Variants in PPP1R13L observed in about 807,000 individuals in gnomAD.
PPP1R13L encodes relA-associated inhibitor.
A neutral mutation model predicts 80.9 loss-of-function variants in PPP1R13L; 50 were observed. The ratio of observed to expected loss-of-function variants is 0.62; its 90% CI spans 0.49 to 0.78. The LOEUF (loss-of-function observed/expected upper bound fraction) is 0.78. Ranked by LOEUF, PPP1R13L falls within the 30% of genes least tolerant of loss-of-function variation. PPP1R13L has a pLI of 0.00. For missense variants in PPP1R13L, 1,200 were observed against 1,205.9 expected (o/e 1.00, Z 0.07); for synonymous variants, 602 against 534.3 (o/e 1.13, Z -1.75).
intron 7 of PPP1R13L, chr19:45,393,011 C>CAAAAAAAAAAAAAAAAAA: frequency 2.2e-5 from 1 of 44,946 alleles, no homozygotes. Context: ...ACTAAAAATA[C>CAAAAAAAAAAAAAAAAAA]AAAAAAAAAA....
chr19:45,403,124 C>A (rs774769335), intron 1 of PPP1R13L, among the ~76,000 whole-genome samples: 2 of 152,154 alleles, frequency 1.3e-5, no homozygotes, highest in African/African-American at 2.4e-5. Context: ...AGAATTAATA[C>A]CTTCGCCTCA....
intron 11 of PPP1R13L, among the ~76,000 whole-genome samples, chr19:45,384,829 G>C (rs1025127059): frequency 8.5e-5 from 13 of 152,136 alleles, no homozygotes; most frequent in African/African-American, 3.1e-4. Context: ...CTCCAGCCTG[G>C]GTGACAGTGA....
Position 45,405,048 on chromosome 19 carries a change from G to C in PPP1R13L, c.-71C>G, listed in dbSNP as rs1973304811. ...GGGGGCTTCCTCCAGCTCGGGCTCC[G>C]GCTTGGGGAGCGGAGAACGGGGCGG... On this transcript the variant is annotated 5_prime_UTR_variant, in exon 1 of 13. Coordinates refer to ENST00000360957, the MANE Select transcript of PPP1R13L (RefSeq NM_006663.4). 1 of 985,888 alleles carries C rather than the reference G, an allele frequency of 1.0e-6. No individual in the cohort carries two copies. The highest frequency in any genetic ancestry group is 1.7e-5 in the African/African-American group (1 of 57,238). The allele number at this position is 985,888 out of a possible 1,614,324, so 61.1% of individuals were successfully genotyped here.
In PPP1R13L at chr19:45,396,228, C is replaced by G. The variant is rs371879268; in HGVS notation, c.843G>C (p.Pro281=). 2.5e-6 allele frequency: 4 copies of G among 1,610,296 alleles called. No homozygotes were observed. The highest frequency in any genetic ancestry group is 3.4e-6 in the Non-Finnish European group (4 of 1,179,372). Residue 281 remains proline (P), a synonymous_variant, in exon 6 of 13, where the codon CCG becomes CCC. Transcript: ENST00000360957. The surrounding 1 kb of genome is among the most constrained non-coding windows in gnomAD (Gnocchi z 5.3). The stretch of plus-strand genomic sequence containing the variant: ...CCCTCCAAGGCAACAGCTGCAGGCT[C>G]GGCGAGGCAGGCCTTGCGAAGACGT... The part of the protein sequence containing the change: ...RLDVFARPAS[P]SLQLLPWRES...
At position 45,396,198 on chromosome 19, in the gene PPP1R13L, G is replaced by A; in HGVS notation, c.873C>T (p.Ser291=). The A allele has an allele frequency of 6.2e-7, 1 of 1,611,138 alleles. No homozygotes were observed. The change falls in exon 6 of 13, where the codon AGC becomes AGT. Residue 291 remains serine, a synonymous_variant. Transcript: ENST00000360957. This position sits in a 1 kb window ranked among gnomAD's most constrained non-coding sequence, Gnocchi z 5.3. ...PSLQLLPWRE[S]SLDGLGGTGK... Reference sequence around the variant, plus strand: ...CGGTGCCCCCCAGTCCATCCAGGCTGCTCTCCCTCCAAGGCAACAGCTGCA... The same window carrying A: ...CGGTGCCCCCCAGTCCATCCAGGCTACTCTCCCTCCAAGGCAACAGCTGCA...
chr19:45,385,420 T>G, intron 11 of PPP1R13L, 142 bp downstream of exon 11: 1 of 1,038,904 alleles, frequency 9.6e-7, no homozygotes, highest in Non-Finnish European at 1.4e-6. Context: ...AAGCGGTCCA[T>G]CCCTCATCCT....
In PPP1R13L at chr19:45,392,020, G is replaced by C. The variant is rs376672896; in HGVS notation, c.1675C>G (p.Pro559Ala). 25 of 1,541,782 alleles carry C rather than the reference G, an allele frequency of 1.6e-5. No homozygotes were observed. The highest frequency in any genetic ancestry group is 2.2e-5 in the Non-Finnish European group (25 of 1,147,538). ...RLFHRHGGPG[P>A]GGPEPELSPI... ...GACAGCTCTGGCTCCGGCCCCCCGG[G>C]CCCTGGCCCCCCATGACGATGGAAG... Residue 559 changes from proline (P) to alanine (A), a missense_variant, in exon 8 of 13, where the codon CCC becomes GCC. This residue lies in a region of PPP1R13L where 214 missense variants were observed against 199.6 expected (regional missense o/e 1.07). Coordinates refer to ENST00000360957, the MANE Select transcript of PPP1R13L (RefSeq NM_006663.4).
At chr19:45,399,399 C>A (rs1051930527) in intron 1 of PPP1R13L, among the ~76,000 whole-genome samples, 2 of 142,292 alleles carry the variant, frequency 1.4e-5, no homozygotes, top group Non-Finnish European at 3.1e-5. Context: ...CCAAGGAGGG[C>A]GGATCACGAG....
At chr19:45,405,075 G>A (rs1266570103), upstream of PPP1R13L, 4 of 985,448 alleles carry the variant, frequency 4.1e-6, no homozygotes, top group Admixed American at 6.1e-5. Flanking sequence ...ACGGGGCGGG[G>A]CAGGAGCTGG....
Position 45,385,944 on chromosome 19 carries a change from C to T in PPP1R13L, c.1961G>A (p.Ser654Asn). The change falls in exon 10 of 13, where the codon AGC (serine) becomes AAC (asparagine). Residue 654 changes from serine to asparagine, a missense_variant. Transcript: ENST00000360957. ...AGTGATGCCCTCCTCGTTGGGCTGG[C>T]TCGGGTCGTTCATCTGAGTGCACCG... is the stretch of plus-strand genomic sequence containing the variant. ...QQAVKEMNDP[S>N]QPNEEGITAL... 1.2e-6 allele frequency: 2 copies of T among 1,611,902 alleles called. No homozygotes were observed. Among genetic ancestry groups the T allele is most frequent in the Non-Finnish European group, 1.7e-6 (2 of 1,179,308 alleles).
chr19:45,399,485 G>T (rs906334309), intron 1 of PPP1R13L, among the ~76,000 whole-genome samples: 3 of 150,550 alleles, frequency 2.0e-5, no homozygotes, highest in African/African-American at 7.3e-5. Flanking sequence ...TTAGCCAGGC[G>T]TGGTGATGGA....
At position 45,396,974 on chromosome 19, in the gene PPP1R13L, T is replaced by C; in HGVS notation, c.283A>G (p.Thr95Ala). The change falls in exon 4 of 13, where the codon ACC becomes GCC. Residue 95 changes from threonine to alanine, a missense_variant. This residue lies in a region of PPP1R13L where 764 missense variants were observed against 714.5 expected (regional missense o/e 1.07). Transcript: ENST00000360957. This position sits in a 1 kb window ranked among gnomAD's most constrained non-coding sequence, Gnocchi z 5.3. ...PRKAATDGAD[T>A]PFGRSESAPT... Reference sequence around the variant, plus strand: ...GCACTCTCTGATCGTCCGAACGGGGTGTCTGCGCCGTCGGTGGCCGCCTTC... The same window carrying C: ...GCACTCTCTGATCGTCCGAACGGGGCGTCTGCGCCGTCGGTGGCCGCCTTC... The C allele has an allele frequency of 1.4e-6, 2 of 1,392,702 alleles. No individual in the cohort carries two copies. 86.3% of individuals were successfully genotyped at this position (1,392,702 alleles called of 1,614,324 possible).
intron 8 of PPP1R13L, among the ~76,000 whole-genome samples, chr19:45,386,771 G>C (rs1422546191): frequency 6.6e-6 from 1 of 151,426 alleles, no homozygotes; most frequent in South Asian, 2.1e-4. Flanking sequence ...GAGTAGCTAG[G>C]ATTACAGGCA....
At chr19:45,395,996 G>A in intron 6 of PPP1R13L, 110 bp from the exon 7 acceptor site, 1 of 1,282,430 alleles carries the variant, frequency 7.8e-7, no homozygotes, top group Admixed American at 2.2e-5. Context: ...TGGGAGTGAG[G>A]GAGAAGAAAG....
At chr19:45,384,282 A>G in intron 11 of PPP1R13L, among the ~76,000 whole-genome samples, 1 of 149,180 alleles carries the variant, frequency 6.7e-6, no homozygotes, top group African/African-American at 2.5e-5. Flanking sequence ...GCACTTTGGG[A>G]GGCCAAGGCA....
At chr19:45,383,023 C>G (rs2123347181) in intron 11 of PPP1R13L, among the ~76,000 whole-genome samples, 1 of 127,048 alleles carries the variant, frequency 7.9e-6, no homozygotes, top group South Asian at 2.5e-4. Flanking sequence ...GAGACAGAGT[C>G]TCGCTCTGTC....
At chr19:45,387,929 C>G (rs1972901001) in intron 8 of PPP1R13L, among the ~76,000 whole-genome samples, 1 of 152,044 alleles carries the variant, frequency 6.6e-6, no homozygotes, top group African/African-American at 2.4e-5. Context: ...CTTTGGGAGG[C>G]TGAGGAGAGT....
At chr19:45,402,237 A>G (rs1019646138) in intron 1 of PPP1R13L, 1 of 151,736 alleles carries the variant, frequency 6.6e-6, no homozygotes, top group Non-Finnish European at 1.5e-5. Context: ...GCCAGCTGTA[A>G]GTGACTCTTT....
At chr19:45,405,471 C>CA (rs1419537773), upstream of PPP1R13L, among the ~76,000 whole-genome samples, 5 of 152,192 alleles carry the variant, frequency 3.3e-5, no homozygotes, top group East Asian at 7.7e-4. Context: ...AGCAAGAGTT[C>CA]AAAATCTTAG....
Sources: allele counts gnomAD v4.1 joint callset (sites outside exome capture counted in the v4.1 genomes callset), GRCh38; gene constraint gnomAD v4.1.1; regional missense constraint gnomAD v4.1.1; non-coding constraint Gnocchi (gnomAD v3.1); transcripts MANE v1.5; gene names NCBI Gene and HGNC (gene_info 2026-07-23, HGNC 2026-07-21).